The following PHF24 variants were observed in gnomAD, a reference collection of about 807,000 sequenced individuals.
PHF24 encodes Galpha inhibitory interacting protein.
PHF24 carries 25 observed loss-of-function variants against 42.6 expected under a neutral mutation model. That is an observed-to-expected ratio of 0.59 (90% confidence interval 0.43 to 0.82). The LOEUF (loss-of-function observed/expected upper bound fraction) is 0.82. PHF24 is among the 40% of genes least tolerant of loss of function. The pLI is 0.00. For missense variants in PHF24, 470 were observed against 538.1 expected (o/e 0.87, Z 1.25); for synonymous variants, 185 against 204.8 (o/e 0.90, Z 0.83).
At chr9:34,729,429 G>T in the PHF24 span, 2 of 1,545,352 alleles carry the variant, frequency 1.3e-6, no homozygotes, top group Non-Finnish European at 1.7e-6. Flanking sequence ...GCTCAACATG[G>T]TCTAAACTTC....
chr9:34,763,355 G>A, the PHF24 span, among the ~76,000 whole-genome samples: 44 of 152,250 alleles, frequency 2.9e-4, no homozygotes, highest in African/African-American at 1.0e-3. Context: ...CCATTTGTTT[G>A]TATCCTCTTT....
the PHF24 span, chr9:34,917,391 G>T: frequency 2.6e-5 from 20 of 771,460 alleles, no homozygotes; most frequent in Non-Finnish European, 4.8e-5. Flanking sequence ...CAGTCTGAAG[G>T]CTCCAACAGT....
the PHF24 span, among the ~76,000 whole-genome samples, chr9:34,903,326 G>C: frequency 6.6e-6 from 1 of 152,112 alleles, no homozygotes; most frequent in Non-Finnish European, 1.5e-5. Context: ...ATAGGAGCCC[G>C]GGTGGCCAAG....
At chr9:34,912,154 G>C in the PHF24 span, among the ~76,000 whole-genome samples, 1 of 152,164 alleles carries the variant, frequency 6.6e-6, no homozygotes, top group Non-Finnish European at 1.5e-5. Context: ...CAGTGGTACA[G>C]AAACCCAGAA....
chr9:34,894,630 G>A, the PHF24 span: 3 of 397,206 alleles, frequency 7.6e-6, no homozygotes, highest in Admixed American at 4.4e-5. Context: ...AGTCACATCT[G>A]TGTATAACTT....
the PHF24 span, among the ~76,000 whole-genome samples, chr9:34,930,921 A>G: frequency 1.3e-5 from 2 of 152,098 alleles, no homozygotes; most frequent in African/African-American, 4.8e-5. Flanking sequence ...TCTCATGTCG[A>G]ATTGTAATCC....
At chr9:34,691,094 G>C in the PHF24 span, 12 of 1,609,650 alleles carry the variant, frequency 7.5e-6, no homozygotes, top group East Asian at 2.7e-4. Context: ...GCCTTACCTG[G>C]GGAAGTCCAG....
the PHF24 span, among the ~76,000 whole-genome samples, chr9:34,674,095 C>T: frequency 6.6e-6 from 1 of 152,208 alleles, no homozygotes; most frequent in African/African-American, 2.4e-5. Flanking sequence ...ACTTTTTGCT[C>T]AAGGTGCTTT....
chr9:34,924,106 T>C, the PHF24 span, among the ~76,000 whole-genome samples: 30,819 of 152,146 alleles, frequency 0.2, 3,426 homozygotes, highest in South Asian at 0.27. Flanking sequence ...TGTGCTTGTA[T>C]AGTTTTTTAA....
intron 5 of PHF24, 101 bp downstream of exon 5, chr9:34,976,841 G>A (rs1827208312): frequency 9.2e-7 from 1 of 1,083,944 alleles, no homozygotes; most frequent in Non-Finnish European, 1.3e-6. Context: ...GCTCAAGCAG[G>A]GACAAGTATC....
chr9:34,831,746 C>A, the PHF24 span, among the ~76,000 whole-genome samples: 1 of 152,184 alleles, frequency 6.6e-6, no homozygotes, highest in Non-Finnish European at 1.5e-5. Flanking sequence ...AGGCCCTTCT[C>A]CATTTTCTAC....
the PHF24 span, among the ~76,000 whole-genome samples, chr9:34,754,966 TTGTA>T: frequency 1.3e-5 from 2 of 152,062 alleles, no homozygotes; most frequent in Non-Finnish European, 2.9e-5. Context: ...AATACAAACT[TTGTA>T]TGTTCTCACT....
the PHF24 span, among the ~76,000 whole-genome samples, chr9:34,935,226 G>T: frequency 6.6e-6 from 1 of 152,086 alleles, no homozygotes; most frequent in Non-Finnish European, 1.5e-5. Flanking sequence ...AAGGCCACTG[G>T]GGACCTTTAC....
At chr9:34,770,240 C>A in the PHF24 span, among the ~76,000 whole-genome samples, 1 of 152,126 alleles carries the variant, frequency 6.6e-6, no homozygotes, top group Non-Finnish European at 1.5e-5. Context: ...CATAAACAGT[C>A]CACAGAAAAA....
chr9:34,829,976 T>G, the PHF24 span, among the ~76,000 whole-genome samples: 1 of 152,238 alleles, frequency 6.6e-6, no homozygotes, highest in African/African-American at 2.4e-5. Flanking sequence ...TTGTTGAATA[T>G]ACAGTTTGGA....
At chr9:34,790,678 A>G in the PHF24 span, among the ~76,000 whole-genome samples, 1 of 152,252 alleles carries the variant, frequency 6.6e-6, no homozygotes, top group Admixed American at 6.5e-5. Context: ...ACAAATAAAC[A>G]TAGTACTATA....
chr9:34,799,867 G>A, the PHF24 span, among the ~76,000 whole-genome samples: 1 of 152,058 alleles, frequency 6.6e-6, no homozygotes, highest in Admixed American at 6.6e-5. Context: ...TTTAAGTGGT[G>A]ACATTATCAT....
the PHF24 span, chr9:34,728,183 T>A: frequency 9.2e-7 from 1 of 1,086,846 alleles, no homozygotes; most frequent in Non-Finnish European, 1.3e-6. Flanking sequence ...AAGAAAAGAC[T>A]ACAATCCTGA....
At chr9:34,933,807 T>C in the PHF24 span, among the ~76,000 whole-genome samples, 7 of 151,402 alleles carry the variant, frequency 4.6e-5, no homozygotes, top group South Asian at 1.1e-3. Flanking sequence ...AGAGTCTCGC[T>C]CTGTCACCCA....
Sources: gnomAD v4.1 joint callset for allele counts (sites outside exome capture counted in the v4.1 genomes callset) on GRCh38, gnomAD v4.1.1 for gene constraint, MANE v1.5 for transcripts, NCBI Gene and HGNC (gene_info 2026-07-23, HGNC 2026-07-21) for gene names.